The following APBB1IP variants were observed in gnomAD, a reference collection of about 807,000 sequenced individuals.
APBB1IP encodes the protein amyloid beta A4 precursor protein-binding family B member 1-interacting protein.
In APBB1IP, 27 loss-of-function variants were observed where a neutral mutation model predicts 64.9. The ratio of observed to expected loss-of-function variants is 0.42; its 90% CI spans 0.31 to 0.57. APBB1IP has a LOEUF of 0.57. Ranked by LOEUF, APBB1IP falls within the 20% of genes least tolerant of loss-of-function variation. APBB1IP has a pLI of 0.20. For missense variants in APBB1IP, 812 were observed against 845.5 expected (o/e 0.96, Z 0.49); for synonymous variants, 392 against 331.0 (o/e 1.18, Z -2.00).
At position 26,504,274 on chromosome 10, in the gene APBB1IP, C is replaced by A. The variant is rs138233357; in HGVS notation, c.531+1000C>A. ...AGGTTTTGAGTAATCTGCCCTTAACCCAACTTTCCTAATAAGCCTGTAAGT... is the reference window on the plus strand; with the variant it reads ...AGGTTTTGAGTAATCTGCCCTTAACACAACTTTCCTAATAAGCCTGTAAGT... On this transcript the variant is annotated intron_variant, in intron 6 of 14. Coordinates refer to ENST00000376236, the MANE Select transcript of APBB1IP (RefSeq NM_019043.4). Among the ~76,000 whole-genome samples, 17 of 152,278 alleles carry A rather than the reference C, an allele frequency of 1.1e-4. No homozygotes were observed. In the East Asian group the frequency reaches 3.3e-3, roughly 29 times the overall value.
chr10:26,511,649 C>T, intron 6 of APBB1IP, 98 bp from the exon 7 acceptor site: 1 of 1,412,110 alleles, frequency 7.1e-7, no homozygotes. Context: ...CACATTCTTA[C>T]AGAAATTTGC....
In APBB1IP at chr10:26,500,976, T is replaced by C. The variant is rs1487638695; in HGVS notation, c.318T>C (p.Gly106=). ...CTCTACAAGCATCAATTTTCAGTGGTGCAGCCTCTCTTGGTTATGGAACAA... is the reference window on the plus strand; with the variant it reads ...CTCTACAAGCATCAATTTTCAGTGGCGCAGCCTCTCTTGGTTATGGAACAA... ...SASLQASIFS[G]AASLGYGTNV... is the part of the protein sequence containing the mutation. Residue 106 remains glycine, a synonymous_variant, in exon 5 of 15, where the codon GGT becomes GGC. Transcript: ENST00000376236. The C allele has an allele frequency of 5.0e-6, 8 of 1,614,084 alleles. No homozygotes were observed. The highest frequency in any genetic ancestry group is 1.1e-5 in the South Asian group (1 of 91,086).
intron 11 of APBB1IP, among the ~76,000 whole-genome samples, chr10:26,558,805 A>T (rs1440319966): frequency 1.3e-5 from 2 of 152,122 alleles, no homozygotes; most frequent in African/African-American, 4.8e-5. Context: ...AACCAGAAAC[A>T]ACAGAAGCAA....
At chr10:26,442,084 G>C (rs1337656252) in intron 2 of APBB1IP, among the ~76,000 whole-genome samples, 1 of 152,138 alleles carries the variant, frequency 6.6e-6, no homozygotes, top group East Asian at 1.9e-4. Context: ...GTCTAGAAGA[G>C]GAGATGTAAC....
chr10:26,524,272 C>T (rs991294265), intron 8 of APBB1IP, among the ~76,000 whole-genome samples: 4 of 152,068 alleles, frequency 2.6e-5, no homozygotes, highest in East Asian at 1.9e-4. Context: ...GCCCCATACC[C>T]GGGGGGTAAA....
intron 4 of APBB1IP, among the ~76,000 whole-genome samples, chr10:26,497,168 T>C (rs1836035845): frequency 6.7e-6 from 1 of 149,586 alleles, no homozygotes; most frequent in Non-Finnish European, 1.5e-5. Context: ...CAGAGTGAGA[T>C]TCTATCTCAA....
In APBB1IP at chr10:26,492,421, C is replaced by A. The variant is rs757508743; in HGVS notation, c.72+23C>A. 1.4e-5 allele frequency: 23 copies of A among 1,606,938 alleles called. No homozygotes were observed. In the African/African-American group the frequency reaches 2.1e-4, roughly 15 times the overall value. On this transcript the variant is annotated intron_variant, in intron 3 of 14. Transcript: ENST00000376236. ...CAGGTAAACTTCCCTTTTTAACTGG[C>A]AAATTGGAAAACAAAAATAGAGTTG...
At chr10:26,445,133 AAAGAAAG>A (rs1835380241) in intron 2 of APBB1IP, among the ~76,000 whole-genome samples, 9 of 2,310 alleles carry the variant, frequency 3.9e-3, no homozygotes. Context: ...GAAAGAAAAG[AAAGAAAG>A]AAAGAAAGAA....
intron 11 of APBB1IP, 153 bp downstream of exon 11, chr10:26,541,845 G>C (rs113010129): frequency 3.7e-6 from 2 of 538,482 alleles, no homozygotes; most frequent in Non-Finnish European, 3.1e-6. Context: ...CTATCAATTT[G>C]GGACATTTTC....
intron 11 of APBB1IP, among the ~76,000 whole-genome samples, chr10:26,551,657 GC>G (rs1198051081): frequency 2.6e-5 from 4 of 152,150 alleles, no homozygotes; most frequent in Non-Finnish European, 5.9e-5. Flanking sequence ...CTGGAATTCC[GC>G]CCCGTCGCTC....
chr10:26,482,139 TC>T (rs1322442489), intron 2 of APBB1IP, among the ~76,000 whole-genome samples: 3 of 152,332 alleles, frequency 2.0e-5, no homozygotes, highest in Admixed American at 2.0e-4. Flanking sequence ...ACAGTCATTG[TC>T]CTTTTGATTC....
chr10:26,502,533 T>A (rs781642635), intron 5 of APBB1IP, among the ~76,000 whole-genome samples: 46 of 151,804 alleles, frequency 3.0e-4, no homozygotes, highest in Non-Finnish European at 5.9e-4. Context: ...TCCCAGCTAC[T>A]CAGGAGGCTG....
chr10:26,492,408 C>T lies in APBB1IP; in HGVS notation c.72+10C>T. 3 of 1,612,748 alleles carry T rather than the reference C, an allele frequency of 1.9e-6. No homozygotes were observed. The highest frequency in any genetic ancestry group is 2.5e-6 in the Non-Finnish European group (3 of 1,179,244). On this transcript the variant is annotated intron_variant, in intron 3 of 14. Coordinates refer to ENST00000376236, the MANE Select transcript of APBB1IP (RefSeq NM_019043.4). ...GGATCTTCTGACTCAGGTAAACTTC[C>T]CTTTTTAACTGGCAAATTGGAAAAC...
chr10:26,470,120 T>C (rs1283059017), intron 2 of APBB1IP, among the ~76,000 whole-genome samples: 4 of 152,206 alleles, frequency 2.6e-5, no homozygotes, highest in African/African-American at 9.7e-5. Flanking sequence ...TTCCACTATA[T>C]GGTGGTGCAA....
intron 2 of APBB1IP, among the ~76,000 whole-genome samples, chr10:26,459,787 T>C (rs760545566): frequency 3.9e-5 from 6 of 152,198 alleles, no homozygotes. Flanking sequence ...ATTTCTCCTT[T>C]GAGAAATTTA....
At chr10:26,453,775 C>T (rs890921247) in intron 2 of APBB1IP, among the ~76,000 whole-genome samples, 2 of 152,166 alleles carry the variant, frequency 1.3e-5, no homozygotes, top group African/African-American at 4.8e-5. Context: ...ATCAATACCA[C>T]AATGAGTACA....
At position 26,515,082 on chromosome 10, in the gene APBB1IP, C is replaced by T. The variant is rs551745340; in HGVS notation, c.813+1422C>T. ...TATTTTAGTAGAGATGGGGTTTCAC[C>T]GTGTTGGCCAGGGTGATCTTGATCT... is the stretch of plus-strand genomic sequence containing the variant. On this transcript the variant is annotated intron_variant, in intron 8 of 14. Transcript: ENST00000376236. 1.4e-4 allele frequency among the ~76,000 whole-genome samples: 21 copies of T among 150,262 alleles called. 1 individual carries two copies. The South Asian group carries it at 2.7e-3, about 20-fold the overall frequency.
chr10:26,481,631 C>G (rs562366535), intron 2 of APBB1IP, among the ~76,000 whole-genome samples: 1 of 151,888 alleles, frequency 6.6e-6, no homozygotes, highest in East Asian at 1.9e-4. Flanking sequence ...ACCACAGGTG[C>G]GCACCACTAT....
chr10:26,475,211 C>T (rs1287835284), intron 2 of APBB1IP, among the ~76,000 whole-genome samples: 2 of 151,900 alleles, frequency 1.3e-5, no homozygotes, highest in Non-Finnish European at 2.9e-5. Flanking sequence ...CAACCTCCGC[C>T]TCCCAGGTTC....
Sources: gnomAD v4.1 joint callset for allele counts (sites outside exome capture counted in the v4.1 genomes callset) on GRCh38, gnomAD v4.1.1 for gene constraint, MANE v1.5 for transcripts, NCBI Gene and HGNC (gene_info 2026-07-23, HGNC 2026-07-21) for gene names.